Variants in ADAMTS9 observed in about 807,000 individuals in gnomAD.
ADAMTS9 encodes the protein ADAM metallopeptidase with thrombospondin type 1 motif 9.
ADAMTS9 carries 107 observed loss-of-function variants against 257.1 expected under a neutral mutation model. That is an observed-to-expected ratio of 0.42 (90% CI 0.36 to 0.49). ADAMTS9 has a LOEUF of 0.49. Among genes scored for constraint, ADAMTS9 ranks in the 20% least tolerant of loss-of-function variants. The probability of loss-of-function intolerance (pLI) is 0.03; values close to 1 mark genes in which losing one functional copy is unlikely to be tolerated. For missense variants in ADAMTS9, 2,353 were observed against 2,469.1 expected (o/e 0.95, Z 1.00); for synonymous variants, 982 against 880.9 (o/e 1.11, Z -2.03).
chr3:64,657,021 G>A (rs1701092462), intron 4 of ADAMTS9, among the ~76,000 whole-genome samples: 1 of 152,080 alleles, frequency 6.6e-6, no homozygotes. Flanking sequence ...GGGCTTTTCT[G>A]GACCCATCTC....
chr3:64,655,703 G>A lies in ADAMTS9; in HGVS notation c.1054-12C>T, dbSNP rs751113709. 1 of 1,606,916 alleles carries A rather than the reference G, an allele frequency of 6.2e-7. No homozygotes were observed. Among genetic ancestry groups the A allele is most frequent in the South Asian group, 1.1e-5 (1 of 90,926 alleles). On this transcript the variant is annotated splice_polypyrimidine_tract_variant and intron_variant, in intron 5 of 39. Coordinates refer to ENST00000498707, the MANE Select transcript of ADAMTS9 (RefSeq NM_182920.2). ...ATGGAAGGCCCATCCTAAATACAGA[G>A]AAGAATTATGGTTAATCTGTTGTAC...
rs1294212768 is a variant in ADAMTS9 at position 64,594,947 on chromosome 3, C to T, written c.4180-513G>A. Among the ~76,000 whole-genome samples, 13 of 102,722 alleles carry T rather than the reference C, an allele frequency of 1.3e-4. No homozygotes were observed. In the Admixed American group the frequency reaches 1.3e-3, roughly 10 times the overall value. 67.4% of individuals were successfully genotyped at this position (102,722 alleles called of 152,430 possible). On this transcript the variant is annotated intron_variant, in intron 27 of 39. Coordinates refer to ENST00000498707, the MANE Select transcript of ADAMTS9 (RefSeq NM_182920.2). ...GACTACAGGCGTGTGCCATCACACT[C>T]GGCTAATTTTTTTGTATTTTTAGTA...
At chr3:64,682,515 A>G (rs746738636) in intron 2 of ADAMTS9, among the ~76,000 whole-genome samples, 12 of 152,182 alleles carry the variant, frequency 7.9e-5, no homozygotes, top group Non-Finnish European at 1.8e-4. Context: ...AAGAACACTG[A>G]AAAATTCCCC....
intron 28 of ADAMTS9, among the ~76,000 whole-genome samples, chr3:64,576,517 A>C (rs1299881185): frequency 1.3e-5 from 2 of 152,194 alleles, no homozygotes; most frequent in African/African-American, 4.8e-5. Context: ...AATGGAGAGA[A>C]AGCTTTACCA....
chr3:64,546,043 A>C (rs1430088728), intron 32 of ADAMTS9, among the ~76,000 whole-genome samples: 1 of 152,268 alleles, frequency 6.6e-6, no homozygotes, highest in East Asian at 1.9e-4. Flanking sequence ...TAGAACATAC[A>C]GACTTCTTAA....
At chr3:64,517,266 C>G (rs1477290274) in intron 39 of ADAMTS9, 145 bp from the exon 40 acceptor site, 2 of 151,918 alleles carry the variant, frequency 1.3e-5, no homozygotes, top group Non-Finnish European at 2.9e-5. Flanking sequence ...TTCTGAGTCA[C>G]AGTCTCACTC....
intron 28 of ADAMTS9, among the ~76,000 whole-genome samples, chr3:64,591,260 C>T (rs902227579): frequency 2.0e-5 from 3 of 151,846 alleles, no homozygotes; most frequent in Non-Finnish European, 2.9e-5. Flanking sequence ...GCCAACATGG[C>T]GAAACCCCGT....
At chr3:64,652,731 G>T (rs1457444079) in intron 8 of ADAMTS9, among the ~76,000 whole-genome samples, 1 of 152,106 alleles carries the variant, frequency 6.6e-6, no homozygotes, top group Non-Finnish European at 1.5e-5. Flanking sequence ...CAATGCACCA[G>T]AAAATGTGCT....
chr3:64,583,346 C>T (rs1255811377), intron 28 of ADAMTS9: 1 of 152,180 alleles, frequency 6.6e-6, no homozygotes, highest in Non-Finnish European at 1.5e-5. Context: ...TTCGATTTGA[C>T]TGACCTTGAT....
At chr3:64,520,341 T>C (rs1289050014) in intron 39 of ADAMTS9, among the ~76,000 whole-genome samples, 1 of 152,168 alleles carries the variant, frequency 6.6e-6, no homozygotes, top group Admixed American at 6.6e-5. Flanking sequence ...GAAGAATCAA[T>C]AGCATTAAAA....
intron 39 of ADAMTS9, among the ~76,000 whole-genome samples, chr3:64,519,478 T>C (rs959484603): frequency 6.6e-6 from 1 of 152,046 alleles, no homozygotes; most frequent in African/African-American, 2.4e-5. Context: ...TACCAATACC[T>C]GGCAAAAACA....
At chr3:64,566,001 T>G (rs2106670029) in intron 29 of ADAMTS9, among the ~76,000 whole-genome samples, 1 of 152,302 alleles carries the variant, frequency 6.6e-6, no homozygotes, top group Non-Finnish European at 1.5e-5. Flanking sequence ...TATCCGAATA[T>G]CCTATATATC....
At position 64,596,822 on chromosome 3, in the gene ADAMTS9, A is replaced by G; in HGVS notation, c.4179+8T>C. Reference sequence around the variant, plus strand: ...CTCTGTATTTATAGACGGATAGTTCACTCTCACCTCTCCCCAGTTGCCATA... The same window carrying G: ...CTCTGTATTTATAGACGGATAGTTCGCTCTCACCTCTCCCCAGTTGCCATA... On this transcript the variant is annotated splice_region_variant and intron_variant, in intron 27 of 39. Coordinates refer to ENST00000498707, the MANE Select transcript of ADAMTS9 (RefSeq NM_182920.2). 5 of 1,613,472 alleles carry G rather than the reference A, an allele frequency of 3.1e-6. No homozygotes were observed. Among genetic ancestry groups the G allele is most frequent in the Non-Finnish European group, 4.2e-6 (5 of 1,179,780 alleles).
intron 19 of ADAMTS9, among the ~76,000 whole-genome samples, chr3:64,616,908 C>G (rs2084776181): frequency 6.6e-6 from 1 of 152,102 alleles, no homozygotes; most frequent in Admixed American, 6.6e-5. Context: ...TTACCAATGT[C>G]CTGAGACTAC....
chr3:64,627,846 T>G (rs1173605980), intron 16 of ADAMTS9, among the ~76,000 whole-genome samples: 3 of 152,180 alleles, frequency 2.0e-5, no homozygotes, highest in Admixed American at 6.5e-5. Context: ...TGAATATTGC[T>G]TAGCAATGGA....
intron 12 of ADAMTS9, among the ~76,000 whole-genome samples, chr3:64,638,686 C>T (rs938403621): frequency 6.6e-6 from 1 of 152,052 alleles, no homozygotes; most frequent in Non-Finnish European, 1.5e-5. Context: ...TATCTTGTGA[C>T]CAAAATTAGA....
At chr3:64,570,993 G>T (rs2083670941) in intron 28 of ADAMTS9, among the ~76,000 whole-genome samples, 1 of 152,192 alleles carries the variant, frequency 6.6e-6, no homozygotes, top group Non-Finnish European at 1.5e-5. Context: ...GTAATCAAAT[G>T]AACATGGGTG....
intron 16 of ADAMTS9, among the ~76,000 whole-genome samples, chr3:64,629,267 G>T (rs1436689331): frequency 6.6e-6 from 1 of 152,122 alleles, no homozygotes; most frequent in Non-Finnish European, 1.5e-5. Flanking sequence ...CAATGTACCA[G>T]CCAGAGTGCT....
chr3:64,543,156 G>C lies in ADAMTS9; in HGVS notation c.5065-1186C>G, dbSNP rs1220660851. Among the ~76,000 whole-genome samples, 8 of 152,288 alleles carry C rather than the reference G, an allele frequency of 5.3e-5. No homozygotes were observed. In the East Asian group the frequency reaches 1.5e-3, roughly 29 times the overall value. Reference sequence around the variant, plus strand: ...ACCAACCAAAAAAAGTCCAGGACCAGACAGATTCACAGCCGAATTCTACCA... The same window carrying C: ...ACCAACCAAAAAAAGTCCAGGACCACACAGATTCACAGCCGAATTCTACCA... On this transcript the variant is annotated intron_variant, in intron 32 of 39. Transcript: ENST00000498707.
Sources: gnomAD v4.1 joint callset for allele counts (sites outside exome capture counted in the v4.1 genomes callset) on GRCh38, gnomAD v4.1.1 for gene constraint, MANE v1.5 for transcripts, NCBI Gene and HGNC (gene_info 2026-07-23, HGNC 2026-07-21) for gene names.